The following TAF9B variants were observed in gnomAD, a reference collection of about 807,000 sequenced individuals.
TAF9B encodes the protein TATA-box binding protein associated factor 9b.
TAF9B carries 47 observed loss-of-function variants against 17.6 expected under a neutral mutation model. The observed-to-expected ratio is 2.68, with a 90% CI of 2.12 to 3.41. TAF9B has a LOEUF of 3.41. Among genes scored for constraint, TAF9B ranks in the 30% most tolerant of loss-of-function variants. The pLI, the probability that TAF9B is intolerant of heterozygous loss-of-function variation, is 0.00. For synonymous variants in TAF9B, 84 were observed against 68.7 expected (o/e 1.22, Z -1.10); for missense variants, 218 against 189.3 (o/e 1.15, Z -0.89).
chrX:78,135,016 G>T (rs1236319264), intron 5 of TAF9B, among the ~76,000 whole-genome samples: 2 of 103,402 alleles, frequency 1.9e-5, no homozygotes, highest in Non-Finnish European at 3.9e-5. Context: ...GCAGTGGCAT[G>T]ATCTTGGCTC....
rs781826644 is a variant in TAF9B, at chrX:78,139,614, TA to T, written c.-4del. ...GGCGCCATCTTGCCCGACTCCATGT[TA>T]TCCAGCCACTCGTCATCCGCGGAGA... On this transcript the variant is annotated 5_prime_UTR_variant, in exon 1 of 7. Coordinates refer to ENST00000341864, the MANE Select transcript of TAF9B (RefSeq NM_015975.5). 1.7e-6 allele frequency: 2 copies of T among 1,210,186 alleles called. No individual in the cohort carries two copies. The highest frequency in any genetic ancestry group is 2.2e-6 in the Non-Finnish European group (2 of 894,948).
rs202018407 is a variant in TAF9B at position 78,139,532 on chromosome X, G to T, written c.51+29C>A. Reference sequence around the variant, plus strand: ...CAGGTCCCTGGCTGCACCTGGCTTCGCGATCCGCGGCTTATCCTTCGCACT... The same window carrying T: ...CAGGTCCCTGGCTGCACCTGGCTTCTCGATCCGCGGCTTATCCTTCGCACT... On this transcript the variant is annotated intron_variant, in intron 1 of 6. Coordinates refer to ENST00000341864, the MANE Select transcript of TAF9B (RefSeq NM_015975.5). 94 of 1,209,255 alleles carry T rather than the reference G, an allele frequency of 7.8e-5. No homozygotes were observed. The African/African-American group carries it at 1.5e-3, about 19-fold the overall frequency.
At chrX:78,132,358 CAT>C (rs2078417234) in intron 6 of TAF9B, among the ~76,000 whole-genome samples, 1 of 111,495 alleles carries the variant, frequency 9.0e-6, no homozygotes, top group African/African-American at 3.3e-5. Flanking sequence ...AAAGATTAAA[CAT>C]ATCTAGTACA....
rs2078441161 is a variant in TAF9B, at chrX:78,138,018, T to G, written c.214A>C (p.Arg72=). ...KKPNVDADDV[R]LAIQCRADQS... Reference sequence around the variant, plus strand: ...TCAGCACGACACTGGATTGCCAGTCTCACATCATCTGCATCAACATTAGGT... The same window carrying G: ...TCAGCACGACACTGGATTGCCAGTCGCACATCATCTGCATCAACATTAGGT... The change falls in exon 3 of 7, where the codon AGA becomes CGA. Residue 72 remains arginine, a synonymous_variant. Coordinates refer to ENST00000341864, the MANE Select transcript of TAF9B (RefSeq NM_015975.5). The G allele has an allele frequency of 2.5e-6, 3 of 1,208,781 alleles. No homozygotes were observed. Among genetic ancestry groups the G allele is most frequent in the African/African-American group, 1.7e-5 (1 of 57,275 alleles).
intron 5 of TAF9B, 25 bp from the exon 6 acceptor site, chrX:78,133,473 G>A (rs1427319228): frequency 9.2e-7 from 1 of 1,085,418 alleles, no homozygotes; most frequent in East Asian, 3.0e-5. Context: ...AACAGACCAT[G>A]TTTGTTAGGT....
In TAF9B at chrX:78,130,140, C is replaced by CA. The variant is rs1439857157; in HGVS notation, c.*1469dup. The CA allele has an allele frequency of 1.8e-5, 2 of 112,373 alleles. No individual in the cohort carries two copies. Among genetic ancestry groups the CA allele is most frequent in the Admixed American group, 1.9e-4 (2 of 10,552 alleles). 9.3% of individuals were successfully genotyped at this position (112,373 alleles called of 1,213,427 possible). On this transcript the variant is annotated 3_prime_UTR_variant, in exon 7 of 7. Transcript: ENST00000341864. ...GAAAAACACTAAAACTGATACGAGA[C>CA]ATTTGAGACATTTCTTCTCTGTTAC...
chrX:78,138,157 ACTTGT>A, intron 2 of TAF9B, 59 bp from the exon 3 acceptor site: 2 of 1,078,736 alleles, frequency 1.9e-6, no homozygotes, highest in Non-Finnish European at 2.5e-6. Flanking sequence ...ATTTATGGCT[ACTTGT>A]CTTAATAAAA....
intron 5 of TAF9B, among the ~76,000 whole-genome samples, chrX:78,133,765 TAAAA>T (rs2078423821): frequency 9.0e-6 from 1 of 111,054 alleles, no homozygotes; most frequent in Non-Finnish European, 1.9e-5. Context: ...TTCTCCTCTG[TAAAA>T]TGGGGGATAT....
At chrX:78,139,486 C>A in intron 1 of TAF9B, 75 bp downstream of exon 1, 4 of 1,192,440 alleles carry the variant, frequency 3.4e-6, no homozygotes, top group South Asian at 3.6e-5. Flanking sequence ...ACCCTCAGGC[C>A]CTCAGCGTGG....
chrX:78,138,884 T>TG lies in TAF9B; in HGVS notation c.91_92insC (p.Tyr31SerfsTer2). On this transcript the variant is annotated frameshift_variant, in exon 2 of 7. Coordinates refer to ENST00000341864, the MANE Select transcript of TAF9B (RefSeq NM_015975.5). LOFTEE classifies it high-confidence loss of function. ...CATTTGATTTATAACCCTTGGTTCA[T>TG]ACTCTGTGATTCCCATATCCTTCAG... 1 of 1,209,088 alleles carries TG rather than the reference T, an allele frequency of 8.3e-7. No homozygotes were observed. The highest frequency in any genetic ancestry group is 1.1e-6 in the Non-Finnish European group (1 of 892,867).
Sources: allele counts gnomAD v4.1 joint callset (sites outside exome capture counted in the v4.1 genomes callset), GRCh38; gene constraint gnomAD v4.1.1; transcripts MANE v1.5; gene names NCBI Gene and HGNC (gene_info 2026-07-23, HGNC 2026-07-21).